PHKB: variants seen among roughly 807,000 people sequenced by gnomAD.
PHKB encodes phosphorylase kinase regulatory subunit beta.
Under a neutral mutation model 152.1 loss-of-function variants are expected in PHKB, and 122 were observed. That is an observed-to-expected ratio of 0.80 (90% CI 0.69 to 0.93). The LOEUF (loss-of-function observed/expected upper bound fraction) is 0.93. PHKB is among the 40% of genes least tolerant of loss of function. PHKB has a pLI of 0.00. For missense variants in PHKB, 1,304 were observed against 1,328.4 expected, an observed-to-expected ratio of 0.98 and a Z score of 0.29; for synonymous variants, 436 against 464.9, an observed-to-expected ratio of 0.94 and a Z score of 0.80.
At chr16:47,691,443 A>C (rs916627064) in intron 27 of PHKB, among the ~76,000 whole-genome samples, 2 of 152,132 alleles carry the variant, frequency 1.3e-5, no homozygotes, top group African/African-American at 4.8e-5. Flanking sequence ...GATGGCTCAC[A>C]CCTGTGATCC....
chr16:47,595,056 A>T (rs936720005), intron 12 of PHKB, among the ~76,000 whole-genome samples: 14 of 152,376 alleles, frequency 9.2e-5, no homozygotes, highest in Middle Eastern at 6.8e-3. Flanking sequence ...ATTAATTTTT[A>T]AAAGTTATCT....
At chr16:47,676,206 C>T (rs1371279437) in intron 26 of PHKB, 1 of 152,112 alleles carries the variant, frequency 6.6e-6, no homozygotes, top group Non-Finnish European at 1.5e-5. Context: ...AATTGTTGAA[C>T]ATGTAACTGT....
At chr16:47,598,848 T>C in intron 13 of PHKB, 5 of 1,606,448 alleles carry the variant, frequency 3.1e-6, no homozygotes, top group Non-Finnish European at 4.2e-6. Flanking sequence ...GCTTCTCATT[T>C]GTAATCTGTT....
At chr16:47,474,434 T>A (rs1319289235) in intron 1 of PHKB, among the ~76,000 whole-genome samples, 1 of 152,226 alleles carries the variant, frequency 6.6e-6, no homozygotes, top group East Asian at 1.9e-4. Context: ...GCTGTTGAGC[T>A]GTGGATAGTT....
chr16:47,496,605 A>G (rs573554641), intron 1 of PHKB, among the ~76,000 whole-genome samples: 1 of 152,192 alleles, frequency 6.6e-6, no homozygotes, highest in South Asian at 2.1e-4. Flanking sequence ...ATAATTTCTG[A>G]TTGCTTTTAA....
chr16:47,699,099 A>C (rs573809004), intron 30 of PHKB, 130 bp from the exon 31 acceptor site: 1 of 836,920 alleles, frequency 1.2e-6, no homozygotes, highest in Non-Finnish European at 2.0e-6. Context: ...AGAAAAGCTC[A>C]GGAATCTCAT....
chr16:47,676,548 A>G (rs149910527), intron 26 of PHKB: 78 of 152,270 alleles, frequency 5.1e-4, no homozygotes, highest in African/African-American at 1.9e-3. Context: ...TCTCAGGTTT[A>G]ACTACTCTCT....
chr16:47,593,210 A>T, intron 10 of PHKB, among the ~76,000 whole-genome samples: 1 of 147,142 alleles, frequency 6.8e-6, no homozygotes, highest in Non-Finnish European at 1.5e-5. Flanking sequence ...AGAGAGGGAG[A>T]AAGAAAGAAA....
chr16:47,481,653 T>C (rs747267112), intron 1 of PHKB, among the ~76,000 whole-genome samples: 1 of 152,144 alleles, frequency 6.6e-6, no homozygotes, highest in Non-Finnish European at 1.5e-5. Context: ...GATGACAAAA[T>C]TTAAGGCAAA....
intron 5 of PHKB, among the ~76,000 whole-genome samples, chr16:47,513,490 A>G (rs1970544834): frequency 1.3e-5 from 2 of 152,188 alleles, no homozygotes; most frequent in Non-Finnish European, 2.9e-5. Flanking sequence ...TTGGACCTTG[A>G]CAAGACCCTG....
intron 3 of PHKB, 57 bp from the exon 4 acceptor site, chr16:47,502,934 C>G: frequency 9.1e-7 from 1 of 1,104,266 alleles, no homozygotes; most frequent in Non-Finnish European, 1.4e-6. Context: ...ATCAAAAGCT[C>G]TGCTTCCTTT....
intron 7 of PHKB, among the ~76,000 whole-genome samples, chr16:47,559,241 A>C (rs1971435182): frequency 6.6e-6 from 1 of 152,176 alleles, no homozygotes; most frequent in African/African-American, 2.4e-5. Flanking sequence ...TTAGGGTCTA[A>C]GGCTCTAAAA....
At chr16:47,625,798 CA>C (rs1270668371) in intron 14 of PHKB, among the ~76,000 whole-genome samples, 1 of 152,122 alleles carries the variant, frequency 6.6e-6, no homozygotes, top group Non-Finnish European at 1.5e-5. Context: ...ATAGTAAAAT[CA>C]CTATTAATTG....
intron 26 of PHKB, among the ~76,000 whole-genome samples, chr16:47,671,015 C>T (rs538155932): frequency 6.6e-6 from 1 of 152,300 alleles, no homozygotes; most frequent in Non-Finnish European, 1.5e-5. Flanking sequence ...CTACTACCCA[C>T]CTGCTCCCAC....
intron 5 of PHKB, among the ~76,000 whole-genome samples, chr16:47,514,139 C>T (rs532307709): frequency 1.0e-4 from 15 of 148,936 alleles, no homozygotes; most frequent in African/African-American, 3.4e-4. Flanking sequence ...TTAAATTTAG[C>T]GTTGTGTTTT....
intron 14 of PHKB, among the ~76,000 whole-genome samples, chr16:47,611,235 T>C (rs1418616196): frequency 2.0e-5 from 3 of 152,190 alleles, no homozygotes; most frequent in Non-Finnish European, 4.4e-5. Context: ...GGGAGTGGGA[T>C]TCCCCAAAAG....
intron 3 of PHKB, among the ~76,000 whole-genome samples, chr16:47,502,031 C>T (rs1363499544): frequency 6.6e-6 from 1 of 152,138 alleles, no homozygotes; most frequent in Non-Finnish European, 1.5e-5. Flanking sequence ...CTGACATTCA[C>T]CATACTATGT....
intron 7 of PHKB, among the ~76,000 whole-genome samples, chr16:47,558,008 G>T (rs2151679524): frequency 6.6e-6 from 1 of 151,628 alleles, no homozygotes; most frequent in Non-Finnish European, 1.5e-5. Context: ...TGATAGACTG[G>T]ATTAAGAAAA....
intron 7 of PHKB, among the ~76,000 whole-genome samples, chr16:47,564,450 A>G (rs921962469): frequency 6.6e-6 from 1 of 151,720 alleles, no homozygotes; most frequent in Non-Finnish European, 1.5e-5. Flanking sequence ...CATTTTTTTC[A>G]TGTTGGTTGG....
Sources: allele counts gnomAD v4.1 joint callset (sites outside exome capture counted in the v4.1 genomes callset), GRCh38; gene constraint gnomAD v4.1.1; transcripts MANE v1.5; gene names NCBI Gene and HGNC (gene_info 2026-07-23, HGNC 2026-07-21).